ERC1: variants seen among roughly 807,000 people sequenced by gnomAD.
The protein encoded by ERC1 is RAB6 interacting protein 2.
ERC1 carries 56 observed loss-of-function variants against 132.0 expected under a neutral mutation model. That is an observed-to-expected ratio of 0.42 (90% CI 0.34 to 0.53). The LOEUF is 0.53. Among genes scored for constraint, ERC1 ranks in the 20% least tolerant of loss-of-function variants. The probability of loss-of-function intolerance (pLI) is 0.03; values close to 1 mark genes in which losing one functional copy is unlikely to be tolerated. For missense variants in ERC1, 1,202 were observed against 1,349.9 expected, an observed-to-expected ratio of 0.89 and a Z score of 1.72; for synonymous variants, 478 against 476.1, an observed-to-expected ratio of 1.00 and a Z score of -0.05.
rs532355337 is a variant in ERC1 at position 1,009,454 on chromosome 12, G to A, written c.-157+18132G>A. 3.3e-4 allele frequency among the ~76,000 whole-genome samples: 51 copies of A among 152,280 alleles called. 1 individual carries two copies. The highest frequency in any genetic ancestry group is 7.7e-4 in the East Asian group (4 of 5,170). Reference sequence around the variant, plus strand: ...CTCCCAAAGTGCTGGGATTACAGGCGTGAGCCACCGCGCCCAGCCAAGATT... The same window carrying A: ...CTCCCAAAGTGCTGGGATTACAGGCATGAGCCACCGCGCCCAGCCAAGATT... On this transcript the variant is annotated intron_variant, in intron 1 of 18. Transcript: ENST00000360905.
intron 8 of ERC1, among the ~76,000 whole-genome samples, chr12:1,164,683 TG>T (rs1952225637): frequency 6.6e-6 from 1 of 152,136 alleles, no homozygotes; most frequent in African/African-American, 2.4e-5. Flanking sequence ...GTGTCAAGAA[TG>T]GGGCTCCACC....
At chr12:1,228,144 G>C (rs1355456410) in intron 12 of ERC1, among the ~76,000 whole-genome samples, 1 of 152,124 alleles carries the variant, frequency 6.6e-6, no homozygotes, top group African/African-American at 2.4e-5. Context: ...TCCATACGAA[G>C]TTTAGGATTC....
chr12:1,280,652 G>C (rs1254552860), intron 14 of ERC1, among the ~76,000 whole-genome samples: 1 of 152,070 alleles, frequency 6.6e-6, no homozygotes, highest in Non-Finnish European at 1.5e-5. Flanking sequence ...GGTTTTAGTC[G>C]CTTACAAAGG....
chr12:1,230,761 T>C (rs2074968919), intron 12 of ERC1, among the ~76,000 whole-genome samples: 1 of 152,232 alleles, frequency 6.6e-6, no homozygotes, highest in South Asian at 2.1e-4. Flanking sequence ...GTTGGATGCA[T>C]ATATATTAAT....
chr12:1,469,883 A>C (rs898933432), intron 18 of ERC1, among the ~76,000 whole-genome samples: 1 of 120,730 alleles, frequency 8.3e-6, no homozygotes. Flanking sequence ...ATCCTCCTCA[A>C]TGCCAGCCAA....
At chr12:1,313,760 G>A (rs1287885748) in intron 15 of ERC1, among the ~76,000 whole-genome samples, 5 of 151,978 alleles carry the variant, frequency 3.3e-5, no homozygotes, top group Admixed American at 6.5e-5. Flanking sequence ...CAAGCTGGGC[G>A]GATCCCCTGA....
chr12:1,344,043 G>A (rs185020635), intron 15 of ERC1, among the ~76,000 whole-genome samples: 32 of 152,122 alleles, frequency 2.1e-4, no homozygotes, highest in African/African-American at 6.7e-4. Flanking sequence ...GGGTTTCACC[G>A]TGTTAGCCAG....
At chr12:1,178,165 G>A (rs533864963) in intron 8 of ERC1, among the ~76,000 whole-genome samples, 15 of 152,060 alleles carry the variant, frequency 9.9e-5, no homozygotes, top group African/African-American at 3.6e-4. Flanking sequence ...TTTTTGTTCT[G>A]CCTGTCGAGT....
chr12:1,382,520 C>T (rs2088802266), intron 16 of ERC1, among the ~76,000 whole-genome samples: 1 of 152,196 alleles, frequency 6.6e-6, no homozygotes, highest in African/African-American at 2.4e-5. Context: ...ATAAATCAGT[C>T]CACAAGGCTG....
intron 14 of ERC1, among the ~76,000 whole-genome samples, chr12:1,279,423 A>G (rs16928341): frequency 0.031 from 4,709 of 152,058 alleles, 242 homozygotes; most frequent in African/African-American, 0.11. Flanking sequence ...CCTCCAGAAA[A>G]TTTTTTTGAC....
intron 4 of ERC1, among the ~76,000 whole-genome samples, chr12:1,107,237 T>C (rs1157608135): frequency 6.6e-6 from 1 of 152,130 alleles, no homozygotes; most frequent in Non-Finnish European, 1.5e-5. Flanking sequence ...GTTTTTCCTT[T>C]ACCAGTGGAG....
intron 12 of ERC1, among the ~76,000 whole-genome samples, chr12:1,222,974 T>TA (rs879572984): frequency 3.3e-5 from 5 of 152,246 alleles, no homozygotes; most frequent in Non-Finnish European, 7.3e-5. Context: ...AAACAAACTG[T>TA]ATTTTCCCTC....
chr12:1,437,336 T>C (rs928833622), intron 17 of ERC1, among the ~76,000 whole-genome samples: 1 of 152,256 alleles, frequency 6.6e-6, no homozygotes. Context: ...TTCTATGTGC[T>C]GTCCTCATCT....
In ERC1 at chr12:1,083,588, A is replaced by G. The variant is rs1378376485; in HGVS notation, c.1086+8A>G. Reference sequence around the variant, plus strand: ...AACAGTATGTTGAGAGAGGTATGTGACTACTTTTTTAGTTTTATGATTTGT... The same window carrying G: ...AACAGTATGTTGAGAGAGGTATGTGGCTACTTTTTTAGTTTTATGATTTGT... On this transcript the variant is annotated splice_region_variant and intron_variant, in intron 3 of 18. Transcript: ENST00000360905. 3.2e-6 allele frequency: 5 copies of G among 1,565,358 alleles called. No individual in the cohort carries two copies. Among genetic ancestry groups the G allele is most frequent in the Middle Eastern group, 1.7e-4 (1 of 5,834 alleles).
At chr12:990,900 G>A (rs1246324742), upstream of ERC1, among the ~76,000 whole-genome samples, 4 of 151,790 alleles carry the variant, frequency 2.6e-5, no homozygotes, top group Admixed American at 2.0e-4. Context: ...TCGCGGAGCC[G>A]ACCCCGGCTC....
chr12:1,484,627 G>A (rs971213136), intron 18 of ERC1, among the ~76,000 whole-genome samples: 2 of 148,462 alleles, frequency 1.3e-5, no homozygotes, highest in African/African-American at 5.0e-5. Context: ...GCCCAGGCTG[G>A]AGTGCAGTGG....
At chr12:1,186,946 A>G (rs1339626499) in intron 11 of ERC1, among the ~76,000 whole-genome samples, 1 of 152,082 alleles carries the variant, frequency 6.6e-6, no homozygotes, top group Non-Finnish European at 1.5e-5. Flanking sequence ...TTCTTGTGCC[A>G]CAGCCTCCCA....
rs1351847052 is a variant in ERC1, at chr12:1,411,201, G to A, written c.3024+2954G>A. Among the ~76,000 whole-genome samples, 3 of 152,142 alleles carry A rather than the reference G, an allele frequency of 2.0e-5. No individual in the cohort carries two copies. In the East Asian group the frequency reaches 5.8e-4, roughly 29 times the overall value. ...TGGAAAGTATAGTCCAGCCGTGGCAGTATCTCCCTTTGATCTGATGCCCTT... is the reference window on the plus strand; with the variant it reads ...TGGAAAGTATAGTCCAGCCGTGGCAATATCTCCCTTTGATCTGATGCCCTT... On this transcript the variant is annotated intron_variant, in intron 17 of 18. Transcript: ENST00000360905.
intron 2 of ERC1, among the ~76,000 whole-genome samples, chr12:1,029,744 C>CTTTTT (rs747890124): frequency 1.8e-4 from 20 of 114,236 alleles, no homozygotes; most frequent in Non-Finnish European, 2.4e-4. Flanking sequence ...GTTAAACATA[C>CTTTTT]TTTTTTTTTT....
Sources: gnomAD v4.1 joint callset for allele counts (sites outside exome capture counted in the v4.1 genomes callset) on GRCh38, gnomAD v4.1.1 for gene constraint, MANE v1.5 for transcripts, NCBI Gene and HGNC (gene_info 2026-07-23, HGNC 2026-07-21) for gene names.